KCND2: variants seen among roughly 807,000 people sequenced by gnomAD.
The protein encoded by KCND2 is A-type voltage-gated potassium channel KCND2.
Under a neutral mutation model 54.4 loss-of-function variants are expected in KCND2, and 16 were observed. The observed-to-expected ratio is 0.29, with a 90% CI of 0.20 to 0.45. The LOEUF (loss-of-function observed/expected upper bound fraction) is 0.45, where lower values mean the gene tolerates loss of function less well. KCND2 is among the 20% of genes least tolerant of loss of function. KCND2 has a pLI of 1.00. For synonymous variants in KCND2, 317 were observed against 310.7 expected (o/e 1.02, Z -0.21); for missense variants, 486 against 824.2 (o/e 0.59, Z 5.02).
intron 1 of KCND2, among the ~76,000 whole-genome samples, chr7:120,329,142 A>T (rs1800025735): frequency 1.4e-5 from 2 of 139,926 alleles, no homozygotes; most frequent in African/African-American, 5.4e-5. Context: ...TTTTTTGGAG[A>T]TGGAGTTTCA....
At chr7:120,508,154 C>T (rs1470028733) in intron 1 of KCND2, among the ~76,000 whole-genome samples, 6 of 151,532 alleles carry the variant, frequency 4.0e-5, no homozygotes, top group Non-Finnish European at 8.8e-5. Context: ...AAGAATTGGA[C>T]GTGTTTTTCT....
chr7:120,573,060 G>A (rs1343303910), intron 1 of KCND2, among the ~76,000 whole-genome samples: 1 of 152,060 alleles, frequency 6.6e-6, no homozygotes, highest in Admixed American at 6.6e-5. Flanking sequence ...TAGATTATGT[G>A]ACCTTCAAAA....
intron 1 of KCND2, among the ~76,000 whole-genome samples, chr7:120,709,574 C>G (rs1339816652): frequency 6.6e-6 from 1 of 152,142 alleles, no homozygotes; most frequent in East Asian, 1.9e-4. Flanking sequence ...CTCCTCTCCT[C>G]TATGTCGTCA....
rs78029479 is a variant in KCND2, at chr7:120,513,971, A to G, written c.1116-218932A>G. 5.7e-3 allele frequency among the ~76,000 whole-genome samples: 868 copies of G among 152,196 alleles called. 26 individuals are homozygous for G. Among genetic ancestry groups the G allele is most frequent in the East Asian group, 0.054 (277 of 5,170 alleles). ...TAATGTGTTATTATTAACAATTTAA[A>G]CCCACTAATGAGCACTTAAGTGTGA... is the stretch of plus-strand genomic sequence containing the variant. On this transcript the variant is annotated intron_variant, in intron 1 of 5. Transcript: ENST00000331113.
intron 1 of KCND2, among the ~76,000 whole-genome samples, chr7:120,286,399 T>C (rs781737623): frequency 7.9e-5 from 12 of 151,938 alleles, no homozygotes; most frequent in Non-Finnish European, 1.8e-4. Flanking sequence ...AACCTATTGA[T>C]AATATTTTTA....
intron 1 of KCND2, among the ~76,000 whole-genome samples, chr7:120,398,910 G>A (rs79709386): frequency 6.8e-4 from 103 of 152,164 alleles, no homozygotes; most frequent in African/African-American, 2.3e-3. Context: ...TGTCTTAGAC[G>A]TGGTGAAAAT....
chr7:120,605,615 C>T (rs1359751897), intron 1 of KCND2, among the ~76,000 whole-genome samples: 1 of 152,128 alleles, frequency 6.6e-6, no homozygotes, highest in Non-Finnish European at 1.5e-5. Context: ...TATGGCAACT[C>T]AAGGTTTAAC....
At chr7:120,413,702 A>G (rs1801483439) in intron 1 of KCND2, among the ~76,000 whole-genome samples, 1 of 152,182 alleles carries the variant, frequency 6.6e-6, no homozygotes, top group East Asian at 1.9e-4. Flanking sequence ...CACCAAAAAA[A>G]GATTTTGTAG....
In KCND2 at chr7:120,350,592, T is replaced by A. The variant is rs145050199; in HGVS notation, c.1115+74845T>A. ...CATAATAAAGATGGAAAAGTTGATA[T>A]GTATTATTTCAGTACAATGACTATT... On this transcript the variant is annotated intron_variant, in intron 1 of 5. Transcript: ENST00000331113. 1.5e-3 allele frequency among the ~76,000 whole-genome samples: 231 copies of A among 152,314 alleles called. 1 individual carries two copies. Among genetic ancestry groups the A allele is most frequent in the African/African-American group, 5.3e-3 (221 of 41,588 alleles).
chr7:120,506,669 A>C (rs934247362), intron 1 of KCND2, among the ~76,000 whole-genome samples: 1 of 151,930 alleles, frequency 6.6e-6, no homozygotes, highest in Non-Finnish European at 1.5e-5. Flanking sequence ...AAATGGTTGT[A>C]GTAAAGAAAG....
At chr7:120,331,396 T>C (rs1183897800) in intron 1 of KCND2, among the ~76,000 whole-genome samples, 1 of 152,096 alleles carries the variant, frequency 6.6e-6, no homozygotes, top group Non-Finnish European at 1.5e-5. Context: ...ACAAATTCTT[T>C]TTAATTTTGA....
chr7:120,347,935 T>G (rs1030436595), intron 1 of KCND2, among the ~76,000 whole-genome samples: 12 of 152,162 alleles, frequency 7.9e-5, no homozygotes, highest in African/African-American at 2.7e-4. Flanking sequence ...GGTTTCAGAC[T>G]GCTTAAATCC....
intron 1 of KCND2, among the ~76,000 whole-genome samples, chr7:120,584,335 C>T (rs1792563468): frequency 6.6e-6 from 1 of 152,198 alleles, no homozygotes; most frequent in Non-Finnish European, 1.5e-5. Flanking sequence ...TTTCTAGTCT[C>T]ACATTCAGGT....
At chr7:120,418,875 C>G (rs1563040023) in intron 1 of KCND2, among the ~76,000 whole-genome samples, 1 of 152,192 alleles carries the variant, frequency 6.6e-6, no homozygotes, top group East Asian at 1.9e-4. Flanking sequence ...GATATTTTAA[C>G]TATTGCTGGA....
intron 1 of KCND2, among the ~76,000 whole-genome samples, chr7:120,542,556 G>A (rs1562868569): frequency 1.3e-5 from 2 of 152,222 alleles, no homozygotes; most frequent in South Asian, 2.1e-4. Flanking sequence ...AAAGTAGCTC[G>A]AATTGAAATG....
chr7:120,688,202 A>G (rs67881942), intron 1 of KCND2, among the ~76,000 whole-genome samples: 28,231 of 152,050 alleles, frequency 0.19, 3,014 homozygotes, highest in African/African-American at 0.28. Context: ...TGTAAATTAT[A>G]CTCTATACTA....
intron 1 of KCND2, among the ~76,000 whole-genome samples, chr7:120,479,953 TA>T (rs1802581874): frequency 8.8e-6 from 1 of 113,250 alleles, no homozygotes; most frequent in Non-Finnish European, 1.7e-5. Flanking sequence ...GGTGACAGAG[TA>T]AGACTGTCAA....
chr7:120,423,231 C>T (rs1584772677), intron 1 of KCND2, among the ~76,000 whole-genome samples: 1 of 152,320 alleles, frequency 6.6e-6, no homozygotes, highest in East Asian at 1.9e-4. Flanking sequence ...CATTGATAAA[C>T]TTCACCTTCC....
At chr7:120,323,365 G>A (rs1454706091) in intron 1 of KCND2, among the ~76,000 whole-genome samples, 7 of 152,034 alleles carry the variant, frequency 4.6e-5, no homozygotes, top group African/African-American at 1.5e-4. Context: ...AGTTACATAC[G>A]TATACATGTG....
Sources: gnomAD v4.1 joint callset for allele counts (sites outside exome capture counted in the v4.1 genomes callset) on GRCh38, gnomAD v4.1.1 for gene constraint, MANE v1.5 for transcripts, NCBI Gene and HGNC (gene_info 2026-07-23, HGNC 2026-07-21) for gene names.